The following DNM3 variants were observed in gnomAD, a reference collection of about 807,000 sequenced individuals.
DNM3 encodes the protein dynamin 3, also known as dynamin-3.
A neutral mutation model predicts 101.6 loss-of-function variants in DNM3; 47 were observed. That is an observed-to-expected ratio of 0.46 (90% confidence interval 0.37 to 0.59). The LOEUF (loss-of-function observed/expected upper bound fraction) is 0.59. DNM3 is among the 20% of genes least tolerant of loss of function. The pLI, the probability that DNM3 is intolerant of heterozygous loss-of-function variation, is 0.00. For synonymous variants in DNM3, 385 were observed against 387.9 expected, an observed-to-expected ratio of 0.99 and a Z score of 0.09; for missense variants, 849 against 1,085.7, an observed-to-expected ratio of 0.78 and a Z score of 3.06.
chr1:172,188,363 A>C (rs1406708821), intron 14 of DNM3, among the ~76,000 whole-genome samples: 1 of 152,022 alleles, frequency 6.6e-6, no homozygotes, highest in African/African-American at 2.4e-5. Flanking sequence ...CCAGGTTTGC[A>C]CCACCTTGCC....
chr1:172,080,270 A>T (rs2053032511), intron 11 of DNM3, among the ~76,000 whole-genome samples: 1 of 152,054 alleles, frequency 6.6e-6, no homozygotes, highest in Non-Finnish European at 1.5e-5. Context: ...TGGGAGTTTT[A>T]TCTATAAGCC....
At chr1:172,123,745 C>A (rs1223240227) in intron 13 of DNM3, among the ~76,000 whole-genome samples, 1 of 152,196 alleles carries the variant, frequency 6.6e-6, no homozygotes, top group Non-Finnish European at 1.5e-5. Flanking sequence ...GAGGAAACAA[C>A]AAGAGTGCCT....
rs564487862 is a variant in DNM3, at chr1:171,956,346, C to T, written c.236-31310C>T. Among the ~76,000 whole-genome samples, 43 of 152,210 alleles carry T rather than the reference C, an allele frequency of 2.8e-4. 1 individual carries two copies. The South Asian group carries it at 8.3e-3, about 29-fold the overall frequency. On this transcript the variant is annotated intron_variant, in intron 2 of 20. Coordinates refer to ENST00000627582, the MANE Select transcript of DNM3 (RefSeq NM_015569.5). ...CCCATTCCAAATGGGAGAAATTGACCAAAACAAGGGGATAAAGGCCCCATG... is the reference window on the plus strand; with the variant it reads ...CCCATTCCAAATGGGAGAAATTGACTAAAACAAGGGGATAAAGGCCCCATG...
chr1:172,111,979 C>T (rs1194619577), intron 13 of DNM3, among the ~76,000 whole-genome samples: 1 of 152,096 alleles, frequency 6.6e-6, no homozygotes, highest in African/African-American at 2.4e-5. Context: ...AGAAACTGCT[C>T]TACGTATTTA....
At chr1:171,933,710 G>A (rs1225934608) in intron 2 of DNM3, among the ~76,000 whole-genome samples, 1 of 152,132 alleles carries the variant, frequency 6.6e-6, no homozygotes, top group African/African-American at 2.4e-5. Context: ...GTGAGCCAGG[G>A]ATGATGAAAG....
chr1:172,307,985 C>T (rs778729783), intron 15 of DNM3, among the ~76,000 whole-genome samples: 16 of 152,002 alleles, frequency 1.1e-4, no homozygotes, highest in East Asian at 1.9e-4. Context: ...CAAACCTGCA[C>T]GCTGTGCACA....
intron 2 of DNM3, among the ~76,000 whole-genome samples, chr1:171,983,461 T>C (rs999743258): frequency 1.4e-5 from 2 of 142,924 alleles, no homozygotes; most frequent in Non-Finnish European, 3.1e-5. Flanking sequence ...TTAGTCCTCA[T>C]GTTACTGGAC....
chr1:172,133,767 G>T (rs560073632), intron 14 of DNM3, among the ~76,000 whole-genome samples: 2 of 152,204 alleles, frequency 1.3e-5, no homozygotes, highest in South Asian at 2.1e-4. Context: ...TTTTGCTGAA[G>T]AATATTCCAG....
intron 20 of DNM3, chr1:172,397,168 TAAAAC>T (rs2070077765): frequency 6.6e-6 from 1 of 152,638 alleles, no homozygotes; most frequent in Non-Finnish European, 1.5e-5. Flanking sequence ...ACTTACTTCT[TAAAAC>T]AACGAGAATT....
chr1:172,342,907 A>T (rs1221574253), intron 17 of DNM3, among the ~76,000 whole-genome samples: 1 of 152,150 alleles, frequency 6.6e-6, no homozygotes, highest in East Asian at 1.9e-4. Flanking sequence ...GAGGGATCCT[A>T]AGAGAGCGTT....
chr1:172,104,196 C>G (rs1170383879), intron 13 of DNM3, among the ~76,000 whole-genome samples: 1 of 152,136 alleles, frequency 6.6e-6, no homozygotes, highest in Non-Finnish European at 1.5e-5. Context: ...TTCTGCTTAT[C>G]TATCTCTTGA....
intron 4 of DNM3, among the ~76,000 whole-genome samples, chr1:172,024,730 G>A (rs951467068): frequency 5.9e-5 from 9 of 152,350 alleles, no homozygotes; most frequent in Middle Eastern, 3.4e-3. Context: ...GCAAAGAGAA[G>A]CTGGGAGGGA....
At chr1:171,951,330 A>T (rs1435932192) in intron 2 of DNM3, among the ~76,000 whole-genome samples, 1 of 152,194 alleles carries the variant, frequency 6.6e-6, no homozygotes, top group Non-Finnish European at 1.5e-5. Flanking sequence ...TAAATGTAAG[A>T]CTTGGTGCCT....
intron 4 of DNM3, among the ~76,000 whole-genome samples, chr1:172,003,677 G>A (rs1433721445): frequency 1.3e-5 from 2 of 151,918 alleles, no homozygotes; most frequent in Non-Finnish European, 2.9e-5. Context: ...GTGAAGTAAG[G>A]AAGTGTACAT....
At chr1:172,170,246 C>T (rs1266360788) in intron 14 of DNM3, among the ~76,000 whole-genome samples, 1 of 151,764 alleles carries the variant, frequency 6.6e-6, no homozygotes, top group Non-Finnish European at 1.5e-5. Context: ...AGTGGAGGTG[C>T]CATTAATATT....
At chr1:172,066,387 G>A (rs2051665494) in intron 10 of DNM3, among the ~76,000 whole-genome samples, 1 of 152,216 alleles carries the variant, frequency 6.6e-6, no homozygotes. Context: ...CCTCTGGTAA[G>A]GGCCTTCTTG....
chr1:172,388,911 T>C, intron 20 of DNM3, 102 bp downstream of exon 20: 1 of 1,019,954 alleles, frequency 9.8e-7, no homozygotes. Flanking sequence ...AAAGATCTTA[T>C]CGTACGTGTT....
chr1:171,945,855 T>C (rs948321396), intron 2 of DNM3, among the ~76,000 whole-genome samples: 1 of 152,168 alleles, frequency 6.6e-6, no homozygotes, highest in African/African-American at 2.4e-5. Flanking sequence ...TTAGCAGTGA[T>C]ACATATGGAA....
chr1:172,093,891 G>A (rs2054079929), intron 13 of DNM3, among the ~76,000 whole-genome samples: 1 of 152,110 alleles, frequency 6.6e-6, no homozygotes, highest in Non-Finnish European at 1.5e-5. Flanking sequence ...ATCCTCTTAA[G>A]AGGGTTCATC....
Sources: allele counts gnomAD v4.1 joint callset (sites outside exome capture counted in the v4.1 genomes callset), GRCh38; gene constraint gnomAD v4.1.1; transcripts MANE v1.5; gene names NCBI Gene and HGNC (gene_info 2026-07-23, HGNC 2026-07-21).